The following TRPC4AP variants were observed in gnomAD, a reference collection of about 807,000 sequenced individuals.
TRPC4AP encodes short transient receptor potential channel 4-associated protein.
A neutral mutation model predicts 99.0 loss-of-function variants in TRPC4AP; 45 were observed. The observed-to-expected ratio is 0.45, with a 90% CI of 0.36 to 0.58. The LOEUF (loss-of-function observed/expected upper bound fraction) is 0.58, where lower values mean the gene tolerates loss of function less well. TRPC4AP is among the 20% of genes least tolerant of loss of function. The pLI, the probability that TRPC4AP is intolerant of heterozygous loss-of-function variation, is 0.00. For missense variants in TRPC4AP, 879 were observed against 985.3 expected, an observed-to-expected ratio of 0.89 and a Z score of 1.44; for synonymous variants, 408 against 385.8, an observed-to-expected ratio of 1.06 and a Z score of -0.67.
intron 1 of TRPC4AP, among the ~76,000 whole-genome samples, chr20:35,082,338 C>T (rs920706199): frequency 3.3e-5 from 5 of 151,976 alleles, no homozygotes; most frequent in Non-Finnish European, 7.4e-5. Flanking sequence ...AGAACATTTG[C>T]AAAATGACCA....
chr20:35,077,931 C>T (rs2146015677), intron 2 of TRPC4AP, 115 bp downstream of exon 2: 1 of 1,197,252 alleles, frequency 8.4e-7, no homozygotes, highest in Non-Finnish European at 1.2e-6. Flanking sequence ...TTCTATAGCT[C>T]ACACAGTAAA....
At chr20:35,018,172 GGTGA>G (rs2082796224) in intron 9 of TRPC4AP, among the ~76,000 whole-genome samples, 1 of 152,174 alleles carries the variant, frequency 6.6e-6, no homozygotes, top group Admixed American at 6.5e-5. Context: ...AGAGATTAGG[GGTGA>G]GTCACACAGC....
intron 2 of TRPC4AP, among the ~76,000 whole-genome samples, chr20:35,077,054 C>A (rs540478936): frequency 6.6e-6 from 1 of 152,334 alleles, no homozygotes; most frequent in South Asian, 2.1e-4. Context: ...GGCATGGGAC[C>A]CTCCAAGCCA....
chr20:35,038,254 A>G (rs1438213974), intron 7 of TRPC4AP, among the ~76,000 whole-genome samples: 3 of 139,756 alleles, frequency 2.1e-5, no homozygotes, highest in East Asian at 4.2e-4. Context: ...AATTACACAG[A>G]AATAGATTTT....
At chr20:35,008,639 G>C (rs193212641) in intron 13 of TRPC4AP, 25 bp downstream of exon 13, 1 of 1,606,030 alleles carries the variant, frequency 6.2e-7, no homozygotes, top group Non-Finnish European at 8.5e-7. Flanking sequence ...CCGCAGAATC[G>C]GCAGGTACTT....
At chr20:35,068,965 ACACACAC>A (rs1569140153) in intron 3 of TRPC4AP, among the ~76,000 whole-genome samples, 11 of 51,502 alleles carry the variant, frequency 2.1e-4, no homozygotes, top group African/African-American at 9.3e-4. Context: ...ACACACACAC[ACACACAC>A]ACACACAAAA....
At chr20:35,015,709 G>A (rs775193408) in intron 10 of TRPC4AP, among the ~76,000 whole-genome samples, 2 of 151,664 alleles carry the variant, frequency 1.3e-5, no homozygotes, top group African/African-American at 2.4e-5. Flanking sequence ...AGGCTGGTCT[G>A]TAACTCTTGA....
chr20:35,003,727 C>T (rs2082449492), intron 17 of TRPC4AP, 111 bp from the exon 18 acceptor site: 5 of 1,170,594 alleles, frequency 4.3e-6, no homozygotes, highest in Non-Finnish European at 6.0e-6. Context: ...CCTCGGGCCA[C>T]CCACAGAGCT....
intron 10 of TRPC4AP, among the ~76,000 whole-genome samples, chr20:35,015,751 A>G (rs1180150322): frequency 1.3e-5 from 2 of 152,132 alleles, no homozygotes; most frequent in African/African-American, 4.8e-5. Flanking sequence ...GGCCTCCCAA[A>G]GTGCTGGGAT....
At chr20:35,021,012 C>T in intron 9 of TRPC4AP, among the ~76,000 whole-genome samples, 178 bp downstream of exon 9, 1 of 152,180 alleles carries the variant, frequency 6.6e-6, no homozygotes, top group African/African-American at 2.4e-5. Context: ...GAAAAGACTC[C>T]CGGTTCTGGA....
intron 9 of TRPC4AP, among the ~76,000 whole-genome samples, chr20:35,018,084 A>G (rs771648884): frequency 2.0e-5 from 3 of 152,228 alleles, no homozygotes; most frequent in Non-Finnish European, 4.4e-5. Context: ...TCACACAGCT[A>G]TAAAATGTTC....
At chr20:35,076,948 C>G (rs535545466) in intron 2 of TRPC4AP, among the ~76,000 whole-genome samples, 4 of 152,306 alleles carry the variant, frequency 2.6e-5, no homozygotes, top group Admixed American at 6.5e-5. Context: ...TTTACCTACG[C>G]AAGTCTCAGC....
intron 1 of TRPC4AP, among the ~76,000 whole-genome samples, chr20:35,086,854 G>A (rs2084898206): frequency 1.3e-5 from 2 of 151,858 alleles, no homozygotes. Flanking sequence ...CCAGCATGGT[G>A]AAACCCTGTC....
chr20:35,015,681 G>C (rs1169928419), intron 10 of TRPC4AP, among the ~76,000 whole-genome samples: 3 of 151,704 alleles, frequency 2.0e-5, no homozygotes, highest in South Asian at 4.2e-4. Flanking sequence ...AGTGAGACAG[G>C]GTTTCACCAT....
chr20:35,035,185 T>C lies in TRPC4AP; in HGVS notation c.989A>G (p.Asp330Gly), dbSNP rs796068634. The change falls in exon 8 of 19, where the codon GAC becomes GGC. Residue 330 changes from aspartate (D) to glycine (G), a missense_variant. Coordinates refer to ENST00000252015, the MANE Select transcript of TRPC4AP (RefSeq NM_015638.3). ...QELEEWYTWL[D>G]NALVLDALMR... ...CAGGGCATCTAGCACCAAAGCATTG[T>C]CTAGCCATGTGTACCACTCTTCCAA... The C allele has an allele frequency of 1.9e-6, 3 of 1,614,152 alleles. No homozygotes were observed. The highest frequency in any genetic ancestry group is 1.1e-5 in the South Asian group (1 of 91,078).
intron 16 of TRPC4AP, 28 bp from the exon 17 acceptor site, chr20:35,004,598 G>A (rs551881908): frequency 1.9e-6 from 3 of 1,600,958 alleles, no homozygotes; most frequent in Admixed American, 1.7e-5. Flanking sequence ...GGTGCAGCAG[G>A]TCAGGCTTAG....
intron 18 of TRPC4AP, 61 bp downstream of exon 18, chr20:35,003,349 C>G: frequency 1.2e-6 from 2 of 1,612,866 alleles, no homozygotes; most frequent in Non-Finnish European, 8.5e-7. Context: ...ACCGGGACAC[C>G]CCTCTGAGAG....
intron 1 of TRPC4AP, among the ~76,000 whole-genome samples, chr20:35,079,451 T>A (rs2084569109): frequency 6.6e-6 from 1 of 152,044 alleles, no homozygotes; most frequent in Non-Finnish European, 1.5e-5. Context: ...ATATCTATAG[T>A]CAATAATCTA....
At chr20:35,065,095 T>A (rs1041134204) in intron 3 of TRPC4AP, among the ~76,000 whole-genome samples, 1 of 152,228 alleles carries the variant, frequency 6.6e-6, no homozygotes, top group African/African-American at 2.4e-5. Context: ...CTCAAGTGCA[T>A]AGAATGTATT....
Sources: allele counts gnomAD v4.1 joint callset (sites outside exome capture counted in the v4.1 genomes callset), GRCh38; gene constraint gnomAD v4.1.1; transcripts MANE v1.5; gene names NCBI Gene and HGNC (gene_info 2026-07-23, HGNC 2026-07-21).